TMEM116: variants seen among roughly 807,000 people sequenced by gnomAD.
The protein encoded by TMEM116 is transmembrane protein 116.
Under a neutral mutation model 44.3 loss-of-function variants are expected in TMEM116, and 38 were observed. The ratio of observed to expected loss-of-function variants is 0.86; its 90% CI spans 0.66 to 1.12. The LOEUF is 1.12. Ranked by LOEUF, TMEM116 falls within the 50% of genes most tolerant of loss-of-function variation. The probability of loss-of-function intolerance (pLI) is 0.00; values close to 1 mark genes in which losing one functional copy is unlikely to be tolerated. For missense variants in TMEM116, 354 were observed against 401.7 expected (o/e 0.88, Z 1.01); for synonymous variants, 132 against 144.8 (o/e 0.91, Z 0.64).
chr12:111,956,591 C>T (rs1185280337), intron 4 of TMEM116, among the ~76,000 whole-genome samples: 1 of 152,220 alleles, frequency 6.6e-6, no homozygotes, highest in Non-Finnish European at 1.5e-5. Flanking sequence ...CTGCCGCCAT[C>T]TCGGCTCACT....
rs143839923 is a variant in TMEM116, at chr12:111,954,265, T to G, written c.211-10896A>C. Among the ~76,000 whole-genome samples, 193 of 152,200 alleles carry G rather than the reference T, an allele frequency of 1.3e-3. 1 individual carries two copies. Among genetic ancestry groups the G allele is most frequent in the Admixed American group, 6.0e-3 (92 of 15,274 alleles). On this transcript the variant is annotated intron_variant, in intron 4 of 10. Coordinates refer to ENST00000552374, the MANE Select transcript of TMEM116 (RefSeq NM_001193531.2). ...GTGAGACTACATTAACAAGCAAAGA[T>G]CATAAAATTTAATTCTATATGGGAG... is the stretch of plus-strand genomic sequence containing the variant.
chr12:112,010,749 C>T (rs1042630837), intron 1 of TMEM116: 3 of 152,284 alleles, frequency 2.0e-5, no homozygotes, highest in Non-Finnish European at 4.4e-5. Flanking sequence ...GGCTTGTTGA[C>T]CCATAGGTCT....
intron 2 of TMEM116, among the ~76,000 whole-genome samples, chr12:112,004,522 G>A (rs1360761758): frequency 1.3e-5 from 2 of 151,876 alleles, no homozygotes; most frequent in African/African-American, 4.8e-5. Context: ...CCTGGGCTCA[G>A]GCCATCCTCC....
chr12:112,005,086 T>G (rs1020632486), intron 2 of TMEM116, among the ~76,000 whole-genome samples, 171 bp downstream of exon 2: 1 of 152,248 alleles, frequency 6.6e-6, no homozygotes, highest in Non-Finnish European at 1.5e-5. Context: ...TTTGTTGTTA[T>G]TGTTGTTAAT....
intron 5 of TMEM116, among the ~76,000 whole-genome samples, chr12:111,940,472 T>C (rs1325492689): frequency 8.2e-5 from 8 of 97,578 alleles, no homozygotes; most frequent in African/African-American, 1.5e-4. Flanking sequence ...CACATATATA[T>C]ATATACATAC....
chr12:111,983,505 G>A (rs537229674), intron 4 of TMEM116, among the ~76,000 whole-genome samples: 1 of 152,036 alleles, frequency 6.6e-6, no homozygotes, highest in East Asian at 1.9e-4. Flanking sequence ...TCTGAGGTGG[G>A]AGGATTGCTT....
chr12:111,951,245 G>C (rs2073710549), intron 4 of TMEM116, among the ~76,000 whole-genome samples: 1 of 152,186 alleles, frequency 6.6e-6, no homozygotes, highest in Non-Finnish European at 1.5e-5. Flanking sequence ...AACCATTGTG[G>C]AAAACAGTGT....
intron 4 of TMEM116, among the ~76,000 whole-genome samples, chr12:111,985,035 C>A (rs1453121021): frequency 6.6e-6 from 1 of 151,842 alleles, no homozygotes; most frequent in Non-Finnish European, 1.5e-5. Context: ...AAGACAAAGT[C>A]ATCATACTCA....
intron 3 of TMEM116, chr12:112,001,055 G>A (rs558082955): frequency 1.0e-4 from 19 of 185,886 alleles, no homozygotes; most frequent in Admixed American, 3.6e-4. Context: ...CGCCACCACG[G>A]CTGGTGCTTT....
intron 1 of TMEM116, chr12:112,005,917 C>G: frequency 1.0e-6 from 1 of 984,722 alleles, no homozygotes; most frequent in Non-Finnish European, 1.2e-6. Flanking sequence ...AGGGAAAATA[C>G]AAAGGAAGAC....
At chr12:111,953,437 T>C (rs2136327367) in intron 4 of TMEM116, among the ~76,000 whole-genome samples, 1 of 152,276 alleles carries the variant, frequency 6.6e-6, no homozygotes, top group Admixed American at 6.5e-5. Context: ...AGAATCAAAA[T>C]GGAGTCACTC....
At chr12:111,940,288 ATATG>A (rs888692204) in intron 5 of TMEM116, among the ~76,000 whole-genome samples, 2 of 151,010 alleles carry the variant, frequency 1.3e-5, no homozygotes, top group African/African-American at 4.9e-5. Flanking sequence ...ATATATATAT[ATATG>A]TATGTATATT....
At chr12:111,989,269 G>T (rs1361996888) in intron 4 of TMEM116, among the ~76,000 whole-genome samples, 1 of 152,112 alleles carries the variant, frequency 6.6e-6, no homozygotes, top group Non-Finnish European at 1.5e-5. Context: ...GCTCAATGAA[G>T]GCACCTACTC....
chr12:111,984,777 G>A (rs991643628), intron 4 of TMEM116, among the ~76,000 whole-genome samples: 6 of 151,888 alleles, frequency 4.0e-5, no homozygotes, highest in African/African-American at 1.4e-4. Flanking sequence ...TTGCATGCCT[G>A]TATCAAAACA....
chr12:111,956,922 C>A (rs2074144356), intron 4 of TMEM116, among the ~76,000 whole-genome samples: 1 of 152,210 alleles, frequency 6.6e-6, no homozygotes. Flanking sequence ...GCAGCCTCTG[C>A]CTGGCCGCCA....
chr12:111,991,661 A>C, intron 4 of TMEM116, 97 bp downstream of exon 4: 1 of 1,228,788 alleles, frequency 8.1e-7, no homozygotes, highest in East Asian at 2.7e-5. Flanking sequence ...ACAATAAACA[A>C]ATACGTCTCC....
Position 111,931,581 on chromosome 12 carries a change from T to C in TMEM116, c.*40A>G, listed in dbSNP as rs768820966. The C allele has an allele frequency of 3.8e-6, 6 of 1,577,290 alleles. No homozygotes were observed. Among genetic ancestry groups the C allele is most frequent in the African/African-American group, 1.3e-5 (1 of 74,236 alleles). The stretch of plus-strand genomic sequence containing the variant: ...CAACATTCTTTCCAATCCATTAGCG[T>C]AGAATAACTCCAGTTCCTGGATGTT... On this transcript the variant is annotated 3_prime_UTR_variant, in exon 11 of 11. Coordinates refer to ENST00000552374, the MANE Select transcript of TMEM116 (RefSeq NM_001193531.2).
Position 111,999,086 on chromosome 12 carries a change from T to C in TMEM116, c.78+4714A>G, listed in dbSNP as rs553625147. 2.0e-4 allele frequency among the ~76,000 whole-genome samples: 30 copies of C among 152,190 alleles called. No homozygotes were observed. In the South Asian group the frequency reaches 3.9e-3, roughly 20 times the overall value. The stretch of plus-strand genomic sequence containing the variant: ...AGGAAATACAAAGAAATGTATAATA[T>C]AGGTCATGCTCTTAAGAAAAATACA... On this transcript the variant is annotated intron_variant, in intron 3 of 10. Transcript: ENST00000552374.
chr12:111,975,214 GGTTCACT>G (rs1228541541), intron 4 of TMEM116, among the ~76,000 whole-genome samples: 3 of 152,176 alleles, frequency 2.0e-5, no homozygotes, highest in Admixed American at 6.5e-5. Flanking sequence ...GCACGATCAG[GGTTCACT>G]GTAGCCTCAA....
Sources: allele counts gnomAD v4.1 joint callset (sites outside exome capture counted in the v4.1 genomes callset), GRCh38; gene constraint gnomAD v4.1.1; transcripts MANE v1.5; gene names NCBI Gene and HGNC (gene_info 2026-07-23, HGNC 2026-07-21).